Variants in NAALADL2 observed in about 807,000 individuals in gnomAD.
NAALADL2 encodes N-acetylated alpha-linked acidic dipeptidase like 2.
Under a neutral mutation model 87.2 loss-of-function variants are expected in NAALADL2, and 76 were observed. The observed-to-expected ratio is 0.87, with a 90% CI of 0.72 to 1.05. NAALADL2 has a LOEUF of 1.05. NAALADL2 is among the 50% of genes least tolerant of loss of function. The pLI is 0.00. For synonymous variants in NAALADL2, 354 were observed against 331.0 expected (o/e 1.07, Z -0.75); for missense variants, 1,089 against 945.8 (o/e 1.15, Z -1.99).
At chr3:174,696,514 T>G (rs1035193330) in intron 2 of NAALADL2, among the ~76,000 whole-genome samples, 1 of 151,424 alleles carries the variant, frequency 6.6e-6, no homozygotes, top group African/African-American at 2.4e-5. Context: ...CTGCTATCAT[T>G]TATTAATTAC....
At chr3:175,416,494 G>T (rs1033772314) in intron 5 of NAALADL2, among the ~76,000 whole-genome samples, 13 of 152,048 alleles carry the variant, frequency 8.5e-5, no homozygotes, top group Admixed American at 2.6e-4. Flanking sequence ...TAGTAACTTT[G>T]AATTGTGTTT....
At chr3:175,421,250 A>G (rs982531701) in intron 5 of NAALADL2, among the ~76,000 whole-genome samples, 2 of 152,040 alleles carry the variant, frequency 1.3e-5, no homozygotes, top group Non-Finnish European at 2.9e-5. Flanking sequence ...ATACCAACTT[A>G]TAGATGCTCT....
In NAALADL2 at chr3:174,620,014, A is replaced by C. The variant is rs143535765; in HGVS notation, c.-115+69377A>C. 2.5e-3 allele frequency among the ~76,000 whole-genome samples: 375 copies of C among 152,048 alleles called. 2 individuals carry two copies. The highest frequency in any genetic ancestry group is 8.6e-3 in the African/African-American group (358 of 41,544). ...ATGAGGGAAGCACAAGCATGTATCTAAAAAGCGATAGAGCCCATATTCTCT... is the reference window on the plus strand; with the variant it reads ...ATGAGGGAAGCACAAGCATGTATCTCAAAAGCGATAGAGCCCATATTCTCT... On this transcript the variant is annotated intron_variant, in intron 2 of 3. Coordinates refer to the NAALADL2 transcript ENST00000434257.
intron 1 of NAALADL2, among the ~76,000 whole-genome samples, chr3:175,034,629 T>C (rs946717339): frequency 2.0e-5 from 3 of 152,142 alleles, no homozygotes; most frequent in Admixed American, 2.0e-4. Flanking sequence ...TTATTATTGA[T>C]AGTAAGGCAT....
At chr3:175,237,519 A>G (rs564610253) in intron 3 of NAALADL2, among the ~76,000 whole-genome samples, 1 of 152,236 alleles carries the variant, frequency 6.6e-6, no homozygotes, top group South Asian at 2.1e-4. Flanking sequence ...ATAAGTTATA[A>G]GGGAGTTGTA....
chr3:174,750,900 C>CT (rs972674281), intron 3 of NAALADL2, among the ~76,000 whole-genome samples: 1 of 151,862 alleles, frequency 6.6e-6, no homozygotes, highest in Non-Finnish European at 1.5e-5. Context: ...CTCTCAAAAC[C>CT]TTTTTTTTCT....
At chr3:174,548,962 T>A (rs1711751570) in intron 1 of NAALADL2, among the ~76,000 whole-genome samples, 2 of 152,154 alleles carry the variant, frequency 1.3e-5, no homozygotes, top group Admixed American at 1.3e-4. Flanking sequence ...CACCTCAGCC[T>A]CCCGAGTAGC....
chr3:175,171,603 A>G (rs1421932587), intron 2 of NAALADL2, among the ~76,000 whole-genome samples: 1 of 152,104 alleles, frequency 6.6e-6, no homozygotes, highest in Non-Finnish European at 1.5e-5. Context: ...CTGTCTAGCT[A>G]CTGTGTTGCA....
At chr3:174,457,801 A>C (rs1236464930) in intron 1 of NAALADL2, among the ~76,000 whole-genome samples, 1 of 148,960 alleles carries the variant, frequency 6.7e-6, no homozygotes, top group Non-Finnish European at 1.5e-5. Flanking sequence ...ACAGGGTGAG[A>C]CTCCGTCTCA....
intron 2 of NAALADL2, among the ~76,000 whole-genome samples, chr3:174,693,890 T>C (rs1013229134): frequency 6.6e-6 from 1 of 152,148 alleles, no homozygotes; most frequent in Non-Finnish European, 1.5e-5. Context: ...CCACTCTAAC[T>C]ACAACGTAAA....
chr3:174,842,807 G>A (rs762124335), intron 3 of NAALADL2, among the ~76,000 whole-genome samples: 7 of 151,974 alleles, frequency 4.6e-5, no homozygotes, highest in Non-Finnish European at 7.4e-5. Context: ...ATGTGTGTGC[G>A]TGTCTTAACA....
chr3:175,576,094 T>G lies in NAALADL2; in HGVS notation c.1707T>G (p.Ser569Arg). ...RRAQCPETNISSIQIQGDADY... is the reference protein window; with the variant it reads ...RRAQCPETNIRSIQIQGDADY... ...CCCAGTGCCCAGAAACCAATATCAG[T>G]TCTATACAGATACAAGGTGATGCTG... is the stretch of plus-strand genomic sequence containing the variant. Residue 569 changes from serine to arginine, a missense_variant, in exon 10 of 14, where the codon AGT becomes AGG. Coordinates refer to ENST00000454872, the MANE Select transcript of NAALADL2 (RefSeq NM_207015.3). The G allele has an allele frequency of 1.9e-6, 3 of 1,613,522 alleles. No homozygotes were observed. The highest frequency in any genetic ancestry group is 2.5e-6 in the Non-Finnish European group (3 of 1,179,512).
chr3:175,256,730 G>A, intron 4 of NAALADL2, 200 bp downstream of exon 4: 1 of 397,788 alleles, frequency 2.5e-6, no homozygotes, highest in South Asian at 5.7e-5. Context: ...AGATATTTAA[G>A]AACAATATAT....
chr3:174,746,624 G>C (rs888397234), intron 3 of NAALADL2, among the ~76,000 whole-genome samples: 1 of 151,932 alleles, frequency 6.6e-6, no homozygotes, highest in Non-Finnish European at 1.5e-5. Context: ...ATATAGCTAA[G>C]ACAATCCTAA....
intron 1 of NAALADL2, among the ~76,000 whole-genome samples, chr3:175,010,868 T>C (rs1447391657): frequency 6.6e-6 from 1 of 152,154 alleles, no homozygotes; most frequent in Admixed American, 6.6e-5. Context: ...AACATTCTAC[T>C]AGATTCTGCA....
intron 11 of NAALADL2, among the ~76,000 whole-genome samples, chr3:175,711,863 T>A (rs976728463): frequency 9.9e-5 from 15 of 151,926 alleles, no homozygotes; most frequent in African/African-American, 3.6e-4. Flanking sequence ...TGTTTATTTT[T>A]AAATCTATTT....
chr3:175,775,979 C>T (rs1321105065), intron 13 of NAALADL2, among the ~76,000 whole-genome samples: 1 of 152,126 alleles, frequency 6.6e-6, no homozygotes, highest in Non-Finnish European at 1.5e-5. Context: ...GTCTTACCGT[C>T]TGTATCCTTT....
chr3:175,067,639 G>C (rs1034413420), intron 1 of NAALADL2, among the ~76,000 whole-genome samples: 3 of 152,152 alleles, frequency 2.0e-5, no homozygotes, highest in Non-Finnish European at 4.4e-5. Flanking sequence ...ATACACTGTT[G>C]GTGGGAATGT....
chr3:174,814,867 C>T (rs985640701), intron 3 of NAALADL2, among the ~76,000 whole-genome samples: 3 of 152,260 alleles, frequency 2.0e-5, no homozygotes, highest in African/African-American at 4.8e-5. Context: ...CTATGTTACT[C>T]ACACAGAAGT....
Sources: allele counts gnomAD v4.1 joint callset (sites outside exome capture counted in the v4.1 genomes callset), GRCh38; gene constraint gnomAD v4.1.1; transcripts MANE v1.5; gene names NCBI Gene and HGNC (gene_info 2026-07-23, HGNC 2026-07-21).